PSD4: variants seen among roughly 807,000 people sequenced by gnomAD.
The protein encoded by PSD4 is pleckstrin and Sec7 domain containing 4, also known as PH and SEC7 domain-containing protein 4.
A neutral mutation model predicts 112.5 loss-of-function variants in PSD4; 59 were observed. The observed-to-expected ratio is 0.52, with a 90% confidence interval of 0.43 to 0.65. PSD4 has a LOEUF of 0.65. Among genes scored for constraint, PSD4 ranks in the 30% least tolerant of loss-of-function variants. The probability of loss-of-function intolerance (pLI) is 0.00; values close to 1 mark genes in which losing one functional copy is unlikely to be tolerated. For missense variants in PSD4, 1,267 were observed against 1,352.6 expected (o/e 0.94, Z 0.99); for synonymous variants, 533 against 540.0 (o/e 0.99, Z 0.18).
Position 113,193,603 on chromosome 2 carries a change from A to T in PSD4, c.2044A>T (p.Thr682Ser). ...TATCTCTGGGGTAGATTCTGTACAC[A>T]CCTTGACATGTGCAATCATGCTGCT... ...GIFPSVDSVH[T>S]LTCAIMLLNT... Residue 682 changes from threonine to serine, a missense_variant, in exon 9 of 17, where the codon ACC becomes TCC. Around this residue, in one of 2 missense-constraint regions of PSD4, gnomAD observed 544 missense variants for 648.6 expected, o/e 0.84. Transcript: ENST00000245796. 1 of 1,613,570 alleles carries T rather than the reference A, an allele frequency of 6.2e-7. No homozygotes were observed.
chr2:113,198,375 G>A (rs1688670995), intron 14 of PSD4, among the ~76,000 whole-genome samples: 1 of 152,194 alleles, frequency 6.6e-6, no homozygotes, highest in Admixed American at 6.5e-5. Context: ...GGGTTCAAGC[G>A]ATTCTCATGC....
chr2:113,175,022 C>T (rs779267475), intron 1 of PSD4, among the ~76,000 whole-genome samples: 15 of 152,156 alleles, frequency 9.9e-5, no homozygotes, highest in Non-Finnish European at 1.9e-4. Flanking sequence ...GTGGCCCCCT[C>T]CTCCTACAGA....
Position 113,185,895 on chromosome 2 carries a change from A to C in PSD4, c.1268A>C (p.His423Pro), listed in dbSNP as rs1688286076. 6 of 1,611,540 alleles carry C rather than the reference A, an allele frequency of 3.7e-6. No homozygotes were observed. The highest frequency in any genetic ancestry group is 5.1e-6 in the Non-Finnish European group (6 of 1,178,956). Residue 423 changes from histidine to proline, a missense_variant, in exon 5 of 17, where the codon CAC (histidine) becomes CCC (proline). Physicochemically the swap from His to Pro is moderately conservative, Grantham distance 77. Around this residue, in one of 2 missense-constraint regions of PSD4, gnomAD observed 723 missense variants for 704.0 expected, o/e 1.03. Coordinates refer to ENST00000245796, the MANE Select transcript of PSD4 (RefSeq NM_012455.3). Reference sequence around the variant, plus strand: ...TCCTCAGATGAGAGGGAGGGTGGACACCCCCAGGAATCTCTTCCCTGCACC... The same window carrying C: ...TCCTCAGATGAGAGGGAGGGTGGACCCCCCCAGGAATCTCTTCCCTGCACC... ...SQDRDEREGG[H>P]PQESLPCTLA...
intron 10 of PSD4, among the ~76,000 whole-genome samples, chr2:113,195,204 T>G (rs1688565979): frequency 6.6e-6 from 1 of 151,680 alleles, no homozygotes; most frequent in African/African-American, 2.4e-5. Context: ...TCCTGCACTG[T>G]CGCGGGAGTG....
At position 113,183,043 on chromosome 2, in the gene PSD4, C is replaced by G. The variant is rs200654945; in HGVS notation, c.587C>G (p.Pro196Arg). 6.2e-7 allele frequency: 1 copy of G among 1,613,648 alleles called. No homozygotes were observed. The highest frequency in any genetic ancestry group is 2.2e-5 in the East Asian group (1 of 44,872). Residue 196 changes from proline to arginine, a missense_variant, in exon 2 of 17, where the codon CCC becomes CGC. Around this residue, in one of 2 missense-constraint regions of PSD4, gnomAD observed 723 missense variants for 704.0 expected, o/e 1.03. Coordinates refer to ENST00000245796, the MANE Select transcript of PSD4 (RefSeq NM_012455.3). ...CCLPTPPVDL[P>R]GDTGLHSSPP... is the part of the protein sequence containing the mutation. The stretch of plus-strand genomic sequence containing the variant: ...CTCCCCACGCCCCCTGTGGACCTCC[C>G]CGGGGACACGGGCCTGCACTCCAGC...
Position 113,182,780 on chromosome 2 carries a change from C to T in PSD4, c.324C>T (p.Gly108=). Reference sequence around the variant, plus strand: ...CCAGACAAGATGCTCCTCCCTGGGGCTCCGGTGTGGAGCTCACACACCTGG... The same window carrying T: ...CCAGACAAGATGCTCCTCCCTGGGGTTCCGGTGTGGAGCTCACACACCTGG... ...ESTRQDAPPW[G]SGVELTHLGS... The change falls in exon 2 of 17, where the codon GGC becomes GGT. Residue 108 remains glycine (G), a synonymous_variant. Transcript: ENST00000245796. 6.3e-7 allele frequency: 1 copy of T among 1,595,838 alleles called. No homozygotes were observed. The highest frequency in any genetic ancestry group is 8.6e-7 in the Non-Finnish European group (1 of 1,169,372).
Position 113,192,577 on chromosome 2 carries a change from ACCTGC to A in PSD4, c.1827_1831del (p.Tyr609Ter). 6.2e-7 allele frequency: 1 copy of A among 1,614,106 alleles called. No homozygotes were observed. Among genetic ancestry groups the A allele is most frequent in the Non-Finnish European group, 8.5e-7 (1 of 1,179,970 alleles). On this transcript the variant is annotated stop_gained and frameshift_variant, in exon 6 of 17. Transcript: ENST00000245796. LOFTEE classifies it high-confidence loss of function. ...TTCCGGAAGTCTGAAGTGGCTGCCT[ACCTGC>A]AGAAGAAGTAAGGGGCTTTGAGCCT...
chr2:113,199,135 TG>T lies in PSD4; in HGVS notation c.2823del (p.Leu942TrpfsTer73). 6.5e-7 allele frequency: 1 copy of T among 1,531,422 alleles called. No homozygotes were observed. Among genetic ancestry groups the T allele is most frequent in the East Asian group, 2.6e-5 (1 of 38,528 alleles). The allele number at this position is 1,531,422 out of a possible 1,614,324, so 94.9% of individuals were successfully genotyped here. A position where few individuals can be genotyped will look rare whatever the true frequency, so the allele number is the denominator to read the frequency against. ...ENCLDAAADD[L>X]LDLQRNLPER... ...TGCCTGGACGCTGCCGCGGACGACC[TG>T]CTGGATCTACAGAGGAACCTGCCGG... On this transcript the variant is annotated frameshift_variant, in exon 16 of 17. Transcript: ENST00000245796. LOFTEE classifies it high-confidence loss of function.
At chr2:113,185,215 C>T in intron 3 of PSD4, 142 bp downstream of exon 3, 2 of 1,552,372 alleles carry the variant, frequency 1.3e-6, no homozygotes, top group South Asian at 2.4e-5. Flanking sequence ...ACTGAGGCTC[C>T]AGCCTGGGTG....
In PSD4 at chr2:113,201,504, C is replaced by T. The variant is rs1390829030; in HGVS notation, c.*89C>T. ...GAGGAGACTTATTTCAATGAGTCCACCATGACGGATGAGGCACCTCCTTTC... is the reference window on the plus strand; with the variant it reads ...GAGGAGACTTATTTCAATGAGTCCATCATGACGGATGAGGCACCTCCTTTC... On this transcript the variant is annotated 3_prime_UTR_variant, in exon 17 of 17. Coordinates refer to ENST00000245796, the MANE Select transcript of PSD4 (RefSeq NM_012455.3). 4.0e-6 allele frequency: 6 copies of T among 1,513,656 alleles called. No homozygotes were observed. Among genetic ancestry groups the T allele is most frequent in the Non-Finnish European group, 5.4e-6 (6 of 1,118,680 alleles). 93.8% of individuals were successfully genotyped at this position (1,513,656 alleles called of 1,614,324 possible).
chr2:113,188,078 C>T (rs569496203), intron 5 of PSD4, among the ~76,000 whole-genome samples: 1 of 152,124 alleles, frequency 6.6e-6, no homozygotes, highest in Admixed American at 6.5e-5. Flanking sequence ...AATAAATTGT[C>T]ACATCTAAAG....
At position 113,207,244 on chromosome 2, in the gene PSD4, G is replaced by A. The variant is rs943382362; in HGVS notation, c.*5829G>A. ...AAGGAGATCAGAGTCCACTTCTGGA[G>A]AGGATGAGAGTGAAGTCAGCACCAC... On this transcript the variant is annotated 3_prime_UTR_variant, in exon 17 of 17. Coordinates refer to ENST00000245796, the MANE Select transcript of PSD4 (RefSeq NM_012455.3). 6.6e-6 allele frequency: 1 copy of A among 152,304 alleles called. No individual in the cohort carries two copies. The highest frequency in any genetic ancestry group is 6.5e-5 in the Admixed American group (1 of 15,280). The allele number at this position is 152,304 out of a possible 1,614,324, so 9.4% of individuals were successfully genotyped here.
Position 113,182,814 on chromosome 2 carries a change from T to A in PSD4, c.358T>A (p.Ser120Thr). ...GGAGCTCACACACCTGGGGAGCCCC[T>A]CTGCCCAGAGGGAGCACAGGCAGAA... Reference protein sequence around the residue: ...GVELTHLGSPSAQREHRQNTA... With the variant: ...GVELTHLGSPTAQREHRQNTA... Residue 120 changes from serine (S) to threonine (T), a missense_variant, in exon 2 of 17, where the codon TCT becomes ACT. This residue lies in a region of PSD4 where 723 missense variants were observed against 704.0 expected (regional missense o/e 1.03). Transcript: ENST00000245796. 1 of 1,609,992 alleles carries A rather than the reference T, an allele frequency of 6.2e-7. No individual in the cohort carries two copies. Among genetic ancestry groups the A allele is most frequent in the Non-Finnish European group, 8.5e-7 (1 of 1,177,424 alleles).
intron 14 of PSD4, 27 bp downstream of exon 14, chr2:113,197,940 G>A: frequency 6.5e-7 from 1 of 1,533,668 alleles, no homozygotes; most frequent in Non-Finnish European, 8.8e-7. Context: ...GGAGACTGTG[G>A]CAAGGCCTTG....
chr2:113,196,839 C>T (rs1688627039), intron 12 of PSD4, among the ~76,000 whole-genome samples: 1 of 152,156 alleles, frequency 6.6e-6, no homozygotes. Context: ...GGGAGGTACA[C>T]TTGAGGCAAA....
chr2:113,196,383 C>T (rs576394202), intron 12 of PSD4, 76 bp downstream of exon 12: 1 of 1,482,478 alleles, frequency 6.7e-7, no homozygotes, highest in African/African-American at 1.4e-5. Context: ...GATGCATGCA[C>T]AGGTGTGCAG....
chr2:113,196,133 T>C lies in PSD4; in HGVS notation c.2226-14T>C. On this transcript the variant is annotated splice_polypyrimidine_tract_variant and intron_variant, in intron 11 of 16. Transcript: ENST00000245796. ...GCATAGTCAGCACTTCCAGCCCGAT[T>C]CTCTGATGTTCAGGGATGAAGAAGA... 1 of 1,600,850 alleles carries C rather than the reference T, an allele frequency of 6.2e-7. No individual in the cohort carries two copies. The highest frequency in any genetic ancestry group is 8.6e-7 in the Non-Finnish European group (1 of 1,169,114).
At chr2:113,177,452 G>C (rs1356203793) in intron 1 of PSD4, among the ~76,000 whole-genome samples, 2 of 152,172 alleles carry the variant, frequency 1.3e-5, no homozygotes, top group African/African-American at 4.8e-5. Context: ...ACAGGAGTTT[G>C]AGTGACTCAA....
chr2:113,193,010 C>G, intron 6 of PSD4, 38 bp from the exon 7 acceptor site: 2 of 1,590,090 alleles, frequency 1.3e-6, no homozygotes, highest in Non-Finnish European at 1.7e-6. Context: ...CCAGCCCAGG[C>G]CCCTGGTGCA....
Sources: gnomAD v4.1 joint callset for allele counts (sites outside exome capture counted in the v4.1 genomes callset) on GRCh38, gnomAD v4.1.1 for gene constraint, gnomAD v4.1.1 regional missense constraint, MANE v1.5 for transcripts, NCBI Gene and HGNC (gene_info 2026-07-23, HGNC 2026-07-21) for gene names.